The following TIMM21 variants were observed in gnomAD, a reference collection of about 807,000 sequenced individuals.
TIMM21 encodes the protein translocase of inner mitochondrial membrane 21.
In TIMM21, 30 loss-of-function variants were observed where a neutral mutation model predicts 27.7. The observed-to-expected ratio is 1.08, with a 90% CI of 0.81 to 1.47. TIMM21 has a LOEUF of 1.47. Ranked by LOEUF, TIMM21 falls within the 40% of genes most tolerant of loss-of-function variation. The probability of loss-of-function intolerance (pLI) is 0.00; values close to 1 mark genes in which losing one functional copy is unlikely to be tolerated. For synonymous variants in TIMM21, 121 were observed against 114.4 expected, an observed-to-expected ratio of 1.06 and a Z score of -0.37; for missense variants, 292 against 302.9, an observed-to-expected ratio of 0.96 and a Z score of 0.27.
chr18:74,152,928 C>A lies in TIMM21; in HGVS notation c.302-2217C>A, dbSNP rs1415935812. The stretch of plus-strand genomic sequence containing the variant: ...GTCCTACCTAATATGGGGGCTGAGT[C>A]TTATGCTTCTGCATCAACCAGGCAT... On this transcript the variant is annotated intron_variant, in intron 1 of 5. Transcript: ENST00000169551. The surrounding 1 kb of genome is among the most constrained non-coding windows in gnomAD (Gnocchi z 4.1). Among the ~76,000 whole-genome samples, 1 of 152,192 alleles carries A rather than the reference C, an allele frequency of 6.6e-6. No individual in the cohort carries two copies. Among genetic ancestry groups the A allele is most frequent in the Non-Finnish European group, 1.5e-5 (1 of 68,040 alleles).
At chr18:74,153,719 C>T (rs1194339453) in intron 1 of TIMM21, among the ~76,000 whole-genome samples, 2 of 152,196 alleles carry the variant, frequency 1.3e-5, no homozygotes, top group Non-Finnish European at 2.9e-5. Context: ...GATTGTGATA[C>T]GCTAAAGACT....
chr18:74,158,760 C>G lies in TIMM21; in HGVS notation c.*280C>G. 1 of 311,156 alleles carries G rather than the reference C, an allele frequency of 3.2e-6. No individual in the cohort carries two copies. The highest frequency in any genetic ancestry group is 6.0e-6 in the Non-Finnish European group (1 of 167,846). The allele number at this position is 311,156 out of a possible 1,614,324, so 19.3% of individuals were successfully genotyped here. A position where few individuals can be genotyped will look rare whatever the true frequency, so the allele number is the denominator to read the frequency against. On this transcript the variant is annotated 3_prime_UTR_variant, in exon 6 of 6. Transcript: ENST00000169551. The stretch of plus-strand genomic sequence containing the variant: ...AATGTTTGTTATTGGAAATGTTACA[C>G]CATGTAAATAAAGGAAATAGATTTT...
In TIMM21 at chr18:74,148,765, A is replaced by C. The variant is rs765181817; in HGVS notation, c.-44A>C. On this transcript the variant is annotated 5_prime_UTR_variant, in exon 1 of 6. Coordinates refer to ENST00000169551, the MANE Select transcript of TIMM21 (RefSeq NM_014177.3). ...TGTAGTGAACCCTAAAGCTTTCCTA[A>C]TTGTAGTTAGCATCGTCCCTAAGCG... 6.3e-7 allele frequency: 1 copy of C among 1,577,072 alleles called. No individual in the cohort carries two copies. Among genetic ancestry groups the C allele is most frequent in the South Asian group, 1.1e-5 (1 of 87,746 alleles).
chr18:74,155,440 A>T, intron 3 of TIMM21, 37 bp downstream of exon 3: 1 of 1,537,724 alleles, frequency 6.5e-7, no homozygotes, highest in Admixed American at 2.0e-5. Flanking sequence ...AACTCTGATG[A>T]GGGGGAGAAA....
intron 1 of TIMM21, among the ~76,000 whole-genome samples, chr18:74,153,115 G>T (rs1979856906): frequency 6.6e-6 from 1 of 152,210 alleles, no homozygotes; most frequent in African/African-American, 2.4e-5. Flanking sequence ...GTAGAGAATT[G>T]TGGAAGCAAA....
chr18:74,156,615 C>T (rs112152875), intron 3 of TIMM21: 2,982 of 236,296 alleles, frequency 0.013, 96 homozygotes, highest in African/African-American at 0.061. Flanking sequence ...TTACAGACTC[C>T]GGAAATACCT....
rs35090113 is a variant in TIMM21 at position 74,148,871 on chromosome 18, G to A, written c.63G>A (p.Lys21=). The stretch of plus-strand genomic sequence containing the variant: ...AGAAGCTGCACAGGTCCTCGGCAAA[G>A]CGATTGCTTTTGCCATACATCGTGC... The part of the protein sequence containing the change: ...YTEKLHRSSA[K]RLLLPYIVLN... Residue 21 remains lysine (K), a synonymous_variant, in exon 1 of 6, where the codon AAG becomes AAA. Coordinates refer to ENST00000169551, the MANE Select transcript of TIMM21 (RefSeq NM_014177.3). 3.3e-3 allele frequency: 5,315 copies of A among 1,614,122 alleles called. 158 individuals are homozygous for A. The African/African-American group carries it at 0.062, about 19-fold the overall frequency.
In TIMM21 at chr18:74,148,708, C is replaced by G. The variant is rs1391879144; in HGVS notation, c.-101C>G. The G allele has an allele frequency of 4.1e-6, 5 of 1,218,504 alleles. No homozygotes were observed. In the East Asian group the frequency reaches 1.2e-4, roughly 29 times the overall value. The allele number at this position is 1,218,504 out of a possible 1,614,324, so 75.5% of individuals were successfully genotyped here. On this transcript the variant is annotated 5_prime_UTR_variant, in exon 1 of 6. Coordinates refer to ENST00000169551, the MANE Select transcript of TIMM21 (RefSeq NM_014177.3). ...TGCCTAACACCCCATGTAATGTAAA[C>G]GTATAGGCTTGAGTACGTGTCCGGC... is the stretch of plus-strand genomic sequence containing the variant.
Position 74,158,416 on chromosome 18 carries a change from T to G in TIMM21, c.683T>G (p.Val228Gly), listed in dbSNP as rs767209501. 63 of 1,606,086 alleles carry G rather than the reference T, an allele frequency of 3.9e-5. No homozygotes were observed. The highest frequency in any genetic ancestry group is 4.3e-6 in the Non-Finnish European group (5 of 1,174,034). ...SGEYDFRYIF[V>G]EIESYPRRTI... ...GAATATGATTTTCGATATATATTTGTAGAAATTGAATCTTATCCTAGAAGA... is the reference window on the plus strand; with the variant it reads ...GAATATGATTTTCGATATATATTTGGAGAAATTGAATCTTATCCTAGAAGA... The change falls in exon 6 of 6, where the codon GTA becomes GGA. Residue 228 changes from valine (V) to glycine (G), a missense_variant. Coordinates refer to ENST00000169551, the MANE Select transcript of TIMM21 (RefSeq NM_014177.3).
intron 1 of TIMM21, among the ~76,000 whole-genome samples, chr18:74,151,144 A>G (rs1037119731): frequency 6.6e-6 from 1 of 152,194 alleles, no homozygotes; most frequent in Non-Finnish European, 1.5e-5. Context: ...CACTGTCAGC[A>G]CAGACTATGT....
rs1980038086 is a variant in TIMM21, at chr18:74,159,163, G to A, written c.*683G>A. On this transcript the variant is annotated 3_prime_UTR_variant, in exon 6 of 6. Coordinates refer to ENST00000169551, the MANE Select transcript of TIMM21 (RefSeq NM_014177.3). ...AGAGGTACAAGCCTGGACCATAGAA[G>A]GCAGCCATGAAGTGCCCTCATCCCC... is the stretch of plus-strand genomic sequence containing the variant. 1 of 152,042 alleles carries A rather than the reference G, an allele frequency of 6.6e-6. No homozygotes were observed. Among genetic ancestry groups the A allele is most frequent in the African/African-American group, 2.4e-5 (1 of 41,300 alleles). The allele number at this position is 152,042 out of a possible 1,614,324, so 9.4% of individuals were successfully genotyped here.
At position 74,159,501 on chromosome 18, in the gene TIMM21, C is replaced by CTGA. The variant is rs994916892; in HGVS notation, c.*1024_*1026dup. On this transcript the variant is annotated 3_prime_UTR_variant, in exon 6 of 6. Coordinates refer to ENST00000169551, the MANE Select transcript of TIMM21 (RefSeq NM_014177.3). ...CCGAGAACTGTCTGTAGAGGAATTT[C>CTGA]TGATGTGTTCTTGAAATTTTGGGAT... The CTGA allele has an allele frequency of 6.6e-6, 1 of 151,836 alleles. No individual in the cohort carries two copies. Among genetic ancestry groups the CTGA allele is most frequent in the African/African-American group, 2.4e-5 (1 of 41,336 alleles). 9.4% of individuals were successfully genotyped at this position (151,836 alleles called of 1,614,324 possible).
chr18:74,156,090 G>C (rs1459452069), intron 3 of TIMM21: 1 of 393,488 alleles, frequency 2.5e-6, no homozygotes, highest in Non-Finnish European at 4.5e-6. Context: ...CCAGTCACAC[G>C]TAGCCGGTGT....
At chr18:74,150,019 T>C (rs1979757058) in intron 1 of TIMM21, among the ~76,000 whole-genome samples, 1 of 152,206 alleles carries the variant, frequency 6.6e-6, no homozygotes, top group Admixed American at 6.5e-5. Flanking sequence ...CTATGAAGCA[T>C]TGTGGTAGGA....
rs151131593 is a variant in TIMM21, at chr18:74,149,079, G to C, written c.271G>C (p.Gly91Arg). The stretch of plus-strand genomic sequence containing the variant: ...AGTGTCTGTGCACAGGAGTCAGAGA[G>C]GGGGAACCGCCGTCCCAACATCACA... ...KQVSVHRSQR[G>R]GTAVPTSQKV... The change falls in exon 1 of 6, where the codon GGG becomes CGG. Residue 91 changes from glycine to arginine, a missense_variant. By Grantham distance (125) the Gly-to-Arg change is moderately radical. Transcript: ENST00000169551. The C allele has an allele frequency of 9.3e-6, 15 of 1,611,122 alleles. No individual in the cohort carries two copies. The highest frequency in any genetic ancestry group is 1.3e-5 in the Non-Finnish European group (15 of 1,177,890).
intron 1 of TIMM21, among the ~76,000 whole-genome samples, chr18:74,153,148 C>A (rs1215671403): frequency 1.3e-5 from 2 of 152,188 alleles, no homozygotes; most frequent in African/African-American, 4.8e-5. Flanking sequence ...GGGTTTTTTG[C>A]ATACAAGTAT....
At position 74,159,440 on chromosome 18, in the gene TIMM21, G is replaced by A. The variant is rs1009714385; in HGVS notation, c.*960G>A. 2 of 152,008 alleles carry A rather than the reference G, an allele frequency of 1.3e-5. No homozygotes were observed. Among genetic ancestry groups the A allele is most frequent in the Non-Finnish European group, 2.9e-5 (2 of 68,034 alleles). The allele number at this position is 152,008 out of a possible 1,614,324, so 9.4% of individuals were successfully genotyped here. A position where few individuals can be genotyped will look rare whatever the true frequency, so the allele number is the denominator to read the frequency against. On this transcript the variant is annotated 3_prime_UTR_variant, in exon 6 of 6. Transcript: ENST00000169551. ...CATGTTTATCTGCGGTGGCTTCAGT[G>A]TGAGGTATCCCCTCTGATGTGTTTG...
Position 74,158,629 on chromosome 18 carries a change from T to C in TIMM21, c.*149T>C. 1.7e-6 allele frequency: 1 copy of C among 600,176 alleles called. No homozygotes were observed. Among genetic ancestry groups the C allele is most frequent in the African/African-American group, 1.9e-5 (1 of 52,426 alleles). The allele number at this position is 600,176 out of a possible 1,614,324, so 37.2% of individuals were successfully genotyped here. A position where few individuals can be genotyped will look rare whatever the true frequency, so the allele number is the denominator to read the frequency against. On this transcript the variant is annotated 3_prime_UTR_variant, in exon 6 of 6. Transcript: ENST00000169551. ...CAGTATTTGTTGCATTTAAACAAAC[T>C]AGACATTTTCTTACGGAAAAATTAT...
rs139456154 is a variant in TIMM21, at chr18:74,149,080, G to C, written c.272G>C (p.Gly91Ala). 145 of 1,610,876 alleles carry C rather than the reference G, an allele frequency of 9.0e-5. 2 individuals are homozygous for C. In the African/African-American group the frequency reaches 1.8e-3, roughly 20 times the overall value. ...GTGTCTGTGCACAGGAGTCAGAGAG[G>C]GGGAACCGCCGTCCCAACATCACAA... ...KQVSVHRSQR[G>A]GTAVPTSQKV... The change falls in exon 1 of 6, where the codon GGG (glycine) becomes GCG (alanine). Residue 91 changes from glycine to alanine, a missense_variant. Transcript: ENST00000169551.
Sources: gnomAD v4.1 joint callset for allele counts (sites outside exome capture counted in the v4.1 genomes callset) on GRCh38, gnomAD v4.1.1 for gene constraint, Gnocchi (gnomAD v3.1) non-coding constraint, MANE v1.5 for transcripts, NCBI Gene and HGNC (gene_info 2026-07-23, HGNC 2026-07-21) for gene names.